The following DOK6 variants were observed in gnomAD, a reference collection of about 807,000 sequenced individuals.
The protein encoded by DOK6 is downstream of tyrosine kinase 6.
A neutral mutation model predicts 44.0 loss-of-function variants in DOK6; 22 were observed. That is an observed-to-expected ratio of 0.50 (90% CI 0.36 to 0.71). The LOEUF (loss-of-function observed/expected upper bound fraction) is 0.71, where lower values mean the gene tolerates loss of function less well. Ranked by LOEUF, DOK6 falls within the 30% of genes least tolerant of loss-of-function variation. The probability of loss-of-function intolerance (pLI) is 0.00; values close to 1 mark genes in which losing one functional copy is unlikely to be tolerated. For missense variants in DOK6, 340 were observed against 416.4 expected (o/e 0.82, Z 1.60); for synonymous variants, 166 against 145.5 (o/e 1.14, Z -1.01).
intron 1 of DOK6, among the ~76,000 whole-genome samples, chr18:69,417,136 C>A (rs1347486238): frequency 3.3e-5 from 5 of 152,216 alleles, no homozygotes; most frequent in Non-Finnish European, 7.4e-5. Context: ...ATTAACTTTA[C>A]TATAGTCACC....
chr18:69,693,312 G>GAAAAAAAAAAAAA (rs10554189), intron 4 of DOK6, among the ~76,000 whole-genome samples: 1 of 126,152 alleles, frequency 7.9e-6, no homozygotes. Context: ...CTTCTTTGAA[G>GAAAAAAAAAAAAA]AAAAAAAAAA....
intron 1 of DOK6, among the ~76,000 whole-genome samples, chr18:69,475,689 A>G (rs1218350041): frequency 6.6e-6 from 1 of 152,180 alleles, no homozygotes; most frequent in Non-Finnish European, 1.5e-5. Flanking sequence ...TCTTGTTCAT[A>G]GATATCTTGA....
intron 3 of DOK6, chr18:69,661,269 T>C (rs1985519162): frequency 6.6e-6 from 1 of 152,246 alleles, no homozygotes; most frequent in African/African-American, 2.4e-5. Flanking sequence ...CCTCACATGC[T>C]GCAAAGGGCA....
chr18:69,778,287 C>T (rs968615993), intron 7 of DOK6, among the ~76,000 whole-genome samples: 2 of 152,084 alleles, frequency 1.3e-5, no homozygotes, highest in African/African-American at 4.8e-5. Context: ...CTCAGGTCCT[C>T]CTAGAAGCAG....
chr18:69,695,299 G>A (rs1030707302), intron 4 of DOK6, among the ~76,000 whole-genome samples: 27 of 152,156 alleles, frequency 1.8e-4, no homozygotes, highest in Admixed American at 1.4e-3. Flanking sequence ...CCAGCATTCT[G>A]TGTTTCAACA....
At chr18:69,670,514 T>C (rs2144679697) in intron 3 of DOK6, among the ~76,000 whole-genome samples, 1 of 126,872 alleles carries the variant, frequency 7.9e-6, no homozygotes, top group Non-Finnish European at 1.7e-5. Context: ...GCATCAATTT[T>C]TTTTTTTTTT....
intron 3 of DOK6, among the ~76,000 whole-genome samples, chr18:69,603,565 A>C (rs913496982): frequency 6.6e-6 from 1 of 152,154 alleles, no homozygotes; most frequent in Non-Finnish European, 1.5e-5. Flanking sequence ...AGGTCAGGAG[A>C]TCGAGAGCAT....
At chr18:69,611,404 T>C (rs1179003240) in intron 3 of DOK6, among the ~76,000 whole-genome samples, 1 of 152,088 alleles carries the variant, frequency 6.6e-6, no homozygotes, top group East Asian at 1.9e-4. Flanking sequence ...TTTGGCAGCT[T>C]CTCATAAAAT....
intron 3 of DOK6, among the ~76,000 whole-genome samples, chr18:69,631,632 C>T (rs942407294): frequency 6.6e-6 from 1 of 152,158 alleles, no homozygotes; most frequent in Admixed American, 6.5e-5. Flanking sequence ...TCAGTATGAA[C>T]ACGTTACTGT....
chr18:69,510,534 G>A (rs1013648068), intron 1 of DOK6, among the ~76,000 whole-genome samples: 14 of 150,932 alleles, frequency 9.3e-5, no homozygotes, highest in African/African-American at 2.9e-4. Context: ...CAAACAGAGC[G>A]CCAAATGTTT....
At chr18:69,806,145 T>G (rs1981046225) in intron 7 of DOK6, among the ~76,000 whole-genome samples, 1 of 151,996 alleles carries the variant, frequency 6.6e-6, no homozygotes, top group Non-Finnish European at 1.5e-5. Flanking sequence ...CTTCTAGCCT[T>G]GTATAGCCCC....
At chr18:69,747,172 G>T (rs1258433901) in intron 6 of DOK6, among the ~76,000 whole-genome samples, 1 of 152,134 alleles carries the variant, frequency 6.6e-6, no homozygotes, top group African/African-American at 2.4e-5. Flanking sequence ...ATAGAGAATG[G>T]CTCATAAATG....
chr18:69,474,236 C>A (rs1352029738), intron 1 of DOK6, among the ~76,000 whole-genome samples: 1 of 152,098 alleles, frequency 6.6e-6, no homozygotes, highest in East Asian at 1.9e-4. Flanking sequence ...TCTTTCCTCT[C>A]CTTTCTTCTC....
At chr18:69,624,049 T>C (rs1315417484) in intron 3 of DOK6, among the ~76,000 whole-genome samples, 2 of 152,188 alleles carry the variant, frequency 1.3e-5, no homozygotes, top group African/African-American at 4.8e-5. Context: ...TCCTCTTCTA[T>C]TGATTTTTGA....
chr18:69,424,320 T>TC lies in DOK6; in HGVS notation c.66+23014dup, dbSNP rs1978576895. Among the ~76,000 whole-genome samples, 9 of 152,304 alleles carry TC rather than the reference T, an allele frequency of 5.9e-5. No homozygotes were observed. In the South Asian group the frequency reaches 1.9e-3, roughly 32 times the overall value. On this transcript the variant is annotated intron_variant, in intron 1 of 7. Transcript: ENST00000382713. ...CAACCCATGACAGTGTGAGACTTTT[T>TC]CCCCTTGGATAAATGAGTGGGTAAA...
At chr18:69,788,961 G>A (rs189601038) in intron 7 of DOK6, among the ~76,000 whole-genome samples, 64 of 152,244 alleles carry the variant, frequency 4.2e-4, no homozygotes, top group African/African-American at 1.5e-3. Context: ...ACTTCAACTC[G>A]TCTTAACAAG....
At chr18:69,610,621 C>T (rs1453089084) in intron 3 of DOK6, among the ~76,000 whole-genome samples, 5 of 152,120 alleles carry the variant, frequency 3.3e-5, no homozygotes, top group Non-Finnish European at 7.4e-5. Flanking sequence ...AGTCCGCCCT[C>T]CATATCTGCG....
intron 1 of DOK6, among the ~76,000 whole-genome samples, chr18:69,414,412 C>T (rs1325952076): frequency 6.6e-6 from 1 of 151,934 alleles, no homozygotes; most frequent in Admixed American, 6.6e-5. Context: ...TAACAAAGGA[C>T]CAAACTAATA....
At chr18:69,566,050 G>C (rs1396029397) in intron 2 of DOK6, among the ~76,000 whole-genome samples, 1 of 152,212 alleles carries the variant, frequency 6.6e-6, no homozygotes, top group African/African-American at 2.4e-5. Flanking sequence ...TGCCTGGTCA[G>C]AGTTCCTGCC....
Sources: allele counts gnomAD v4.1 joint callset (sites outside exome capture counted in the v4.1 genomes callset), GRCh38; gene constraint gnomAD v4.1.1; transcripts MANE v1.5; gene names NCBI Gene and HGNC (gene_info 2026-07-23, HGNC 2026-07-21).